DLGAP2: variants seen among roughly 807,000 people sequenced by gnomAD.
The protein encoded by DLGAP2 is DLG associated protein 2.
In DLGAP2, 26 loss-of-function variants were observed where a neutral mutation model predicts 100.3. That is an observed-to-expected ratio of 0.26 (90% CI 0.19 to 0.36). DLGAP2 has a LOEUF of 0.36. DLGAP2 is among the 10% of genes least tolerant of loss of function. The pLI, the probability that DLGAP2 is intolerant of heterozygous loss-of-function variation, is 1.00. For synonymous variants in DLGAP2, 886 were observed against 630.1 expected (o/e 1.41, Z -6.08); for missense variants, 1,858 against 1,453.2 (o/e 1.28, Z -4.53).
intron 3 of DLGAP2, among the ~76,000 whole-genome samples, chr8:1,358,345 G>T (rs553079243): frequency 6.6e-6 from 1 of 152,096 alleles, no homozygotes; most frequent in African/African-American, 2.4e-5. Flanking sequence ...CGTAGATTAC[G>T]GGAAAAAGGC....
chr8:815,210 A>G (rs570980036), intron 1 of DLGAP2, among the ~76,000 whole-genome samples: 1 of 152,222 alleles, frequency 6.6e-6, no homozygotes, highest in Admixed American at 6.5e-5. Context: ...GTCAAAGTAC[A>G]GGAGGCTTGG....
At chr8:1,555,146 T>C (rs2906574) in intron 5 of DLGAP2, among the ~76,000 whole-genome samples, 145,855 of 152,162 alleles carry the variant, frequency 0.96, 69,981 homozygotes, top group East Asian at 1. Flanking sequence ...CGTAGTGGAA[T>C]AGCAGGTCCG....
Position 1,139,736 on chromosome 8 carries a change from T to G in DLGAP2, c.74-119115T>G, listed in dbSNP as rs1012242168. On this transcript the variant is annotated intron_variant, in intron 2 of 14. Transcript: ENST00000637795. The stretch of plus-strand genomic sequence containing the variant: ...GGCCCCTGTTATTTCAGGACCTTCT[T>G]GGAGAGGGAGTGAGGATGGTGCCTG... 3.3e-5 allele frequency among the ~76,000 whole-genome samples: 5 copies of G among 152,204 alleles called. No individual in the cohort carries two copies. In the South Asian group the frequency reaches 6.2e-4, roughly 19 times the overall value.
intron 1 of DLGAP2, among the ~76,000 whole-genome samples, chr8:825,852 A>G (rs1451778843): frequency 2.0e-5 from 3 of 152,192 alleles, no homozygotes; most frequent in African/African-American, 7.2e-5. Context: ...ATACACAATC[A>G]ATTATACTCT....
chr8:1,068,295 T>A (rs2129036696), intron 2 of DLGAP2, among the ~76,000 whole-genome samples: 2 of 152,362 alleles, frequency 1.3e-5, no homozygotes, highest in Middle Eastern at 6.8e-3. Context: ...GATGTAAGTT[T>A]CCAGCTCATC....
chr8:1,471,597 C>A (rs34020885), intron 3 of DLGAP2, among the ~76,000 whole-genome samples: 2 of 150,090 alleles, frequency 1.3e-5, no homozygotes, highest in African/African-American at 2.5e-5. Context: ...CTAACCTCCT[C>A]TCACCTCCTG....
intron 3 of DLGAP2, among the ~76,000 whole-genome samples, chr8:1,491,862 G>A (rs1157302166): frequency 6.6e-6 from 1 of 152,142 alleles, no homozygotes; most frequent in Non-Finnish European, 1.5e-5. Flanking sequence ...GAATTCCTTC[G>A]GAAGATGATG....
intron 3 of DLGAP2, among the ~76,000 whole-genome samples, chr8:1,287,223 GT>G (rs1799944260): frequency 1.1e-5 from 1 of 89,524 alleles, no homozygotes; most frequent in Non-Finnish European, 2.3e-5. Flanking sequence ...GTGTGTGTGT[GT>G]GTATGTGGTT....
At chr8:1,326,039 A>G (rs1287769733) in intron 3 of DLGAP2, among the ~76,000 whole-genome samples, 3 of 152,206 alleles carry the variant, frequency 2.0e-5, no homozygotes, top group Non-Finnish European at 4.4e-5. Flanking sequence ...AAGATGGGCC[A>G]TTTGTTCAAT....
chr8:1,199,952 C>T (rs980738409), intron 2 of DLGAP2, among the ~76,000 whole-genome samples: 5 of 152,168 alleles, frequency 3.3e-5, no homozygotes, highest in Non-Finnish European at 7.4e-5. Context: ...CCCACAACCC[C>T]CCGCAGAGGC....
At chr8:998,063 A>G (rs866768892) in intron 2 of DLGAP2, among the ~76,000 whole-genome samples, 3 of 144,960 alleles carry the variant, frequency 2.1e-5, no homozygotes, top group Non-Finnish European at 4.4e-5. Context: ...ACAGAAACAT[A>G]TACACATGCA....
At chr8:1,255,735 C>G (rs1476843437) in intron 2 of DLGAP2, among the ~76,000 whole-genome samples, 2 of 108,852 alleles carry the variant, frequency 1.8e-5, no homozygotes, top group African/African-American at 6.6e-5. Context: ...CTCTCCTGCC[C>G]GAGCACTGTA....
At chr8:1,460,687 T>C (rs753810678) in intron 3 of DLGAP2, among the ~76,000 whole-genome samples, 2 of 152,248 alleles carry the variant, frequency 1.3e-5, no homozygotes, top group Non-Finnish European at 2.9e-5. Flanking sequence ...GGTAACATTT[T>C]CTCAACTTTA....
intron 2 of DLGAP2, among the ~76,000 whole-genome samples, chr8:1,236,325 G>C (rs1178856398): frequency 4.3e-4 from 22 of 51,602 alleles, no homozygotes; most frequent in African/African-American, 6.2e-4. Flanking sequence ...GCCGTGTCTG[G>C]TTCTCTCACA....
chr8:1,678,057 A>G (rs1236530013), intron 11 of DLGAP2, among the ~76,000 whole-genome samples, 157 bp from the exon 12 acceptor site: 1 of 152,232 alleles, frequency 6.6e-6, no homozygotes, highest in Non-Finnish European at 1.5e-5. Context: ...TCTTCCACAG[A>G]CAAAACACCA....
chr8:1,602,109 T>A (rs2130705635), intron 6 of DLGAP2, among the ~76,000 whole-genome samples: 1 of 152,264 alleles, frequency 6.6e-6, no homozygotes, highest in East Asian at 1.9e-4. Context: ...ACTTGTCAAA[T>A]ATGTGAATGA....
intron 3 of DLGAP2, among the ~76,000 whole-genome samples, chr8:1,499,065 G>C (rs1799628214): frequency 6.6e-6 from 1 of 152,224 alleles, no homozygotes; most frequent in Admixed American, 6.5e-5. Context: ...AGGCAAGGAA[G>C]CGTTTGTACT....
intron 2 of DLGAP2, among the ~76,000 whole-genome samples, chr8:1,249,248 A>C (rs561480717): frequency 6.6e-5 from 10 of 152,220 alleles, no homozygotes; most frequent in African/African-American, 2.2e-4. Flanking sequence ...TCAGAAGCAG[A>C]ATGGCAGACT....
intron 10 of DLGAP2, among the ~76,000 whole-genome samples, chr8:1,670,509 G>A (rs1344050279): frequency 2.6e-5 from 4 of 152,348 alleles, no homozygotes; most frequent in South Asian, 2.1e-4. Flanking sequence ...CCTGTGAGAG[G>A]GAACTGCACC....
Sources: allele counts gnomAD v4.1 joint callset (sites outside exome capture counted in the v4.1 genomes callset), GRCh38; gene constraint gnomAD v4.1.1; transcripts MANE v1.5; gene names NCBI Gene and HGNC (gene_info 2026-07-23, HGNC 2026-07-21).